The following IRGQ variants were observed in gnomAD, a reference collection of about 807,000 sequenced individuals.
The protein encoded by IRGQ is immunity-related GTPase family Q protein.
A neutral mutation model predicts 10.5 loss-of-function variants in IRGQ; 5 were observed. The ratio of observed to expected loss-of-function variants is 0.48; its 90% CI spans 0.25 to 1.00. The LOEUF (loss-of-function observed/expected upper bound fraction) is 1.00, where lower values mean the gene tolerates loss of function less well. Among genes scored for constraint, IRGQ ranks in the 50% least tolerant of loss-of-function variants. The probability of loss-of-function intolerance (pLI) is 0.16; values close to 1 mark genes in which losing one functional copy is unlikely to be tolerated. For synonymous variants in IRGQ, 418 were observed against 426.0 expected, an observed-to-expected ratio of 0.98 and a Z score of 0.23; for missense variants, 792 against 877.7, an observed-to-expected ratio of 0.90 and a Z score of 1.23.
rs893331716 is a variant in IRGQ, at chr19:43,585,856, G to A, written c.*6170C>T. 2 of 152,078 alleles carry A rather than the reference G, an allele frequency of 1.3e-5. No homozygotes were observed. The highest frequency in any genetic ancestry group is 2.4e-5 in the African/African-American group (1 of 41,414). The allele number at this position is 152,078 out of a possible 1,614,324, so 9.4% of individuals were successfully genotyped here. ...CCCACCATCCCTCCTATCCCCAGACGCTGGAGTCTAGGTTTCCAGCCCAGT... is the reference window on the plus strand; with the variant it reads ...CCCACCATCCCTCCTATCCCCAGACACTGGAGTCTAGGTTTCCAGCCCAGT... On this transcript the variant is annotated 3_prime_UTR_variant, in exon 3 of 3. Coordinates refer to ENST00000422989, the MANE Select transcript of IRGQ (RefSeq NM_001007561.3).
At position 43,592,182 on chromosome 19, in the gene IRGQ, T is replaced by C. The variant is rs1315983065; in HGVS notation, c.1716A>G (p.Ala572=). 1.2e-6 allele frequency: 2 copies of C among 1,603,040 alleles called. No individual in the cohort carries two copies. Among genetic ancestry groups the C allele is most frequent in the Non-Finnish European group, 1.7e-6 (2 of 1,178,562 alleles). ...ACAGGAAGGAGAGAGCCCCCAGTGC[T>C]GCGCCCCCAGCAGTGCCCTCGCCCG... is the stretch of plus-strand genomic sequence containing the variant. ...AWAGEGTAGG[A]ALGALSFLWP... Residue 572 remains alanine, a synonymous_variant, in exon 3 of 3, where the codon GCA becomes GCG. Coordinates refer to ENST00000422989, the MANE Select transcript of IRGQ (RefSeq NM_001007561.3).
In IRGQ at chr19:43,584,562, A is replaced by T. The variant is rs147496976; in HGVS notation, c.*7464T>A. ...GAAAGAGACCACATCACACACAGAG[A>T]GAACAAGTCTGTATTAGTTGCTTTT... On this transcript the variant is annotated 3_prime_UTR_variant, in exon 3 of 3. Transcript: ENST00000422989. 6.6e-6 allele frequency: 1 copy of T among 152,222 alleles called. No individual in the cohort carries two copies. The allele number at this position is 152,222 out of a possible 1,614,324, so 9.4% of individuals were successfully genotyped here.
rs1368740191 is a variant in IRGQ, at chr19:43,586,108, T to C, written c.*5918A>G. 6.6e-6 allele frequency: 1 copy of C among 152,162 alleles called. No individual in the cohort carries two copies. Among genetic ancestry groups the C allele is most frequent in the Non-Finnish European group, 1.5e-5 (1 of 68,022 alleles). The allele number at this position is 152,162 out of a possible 1,614,324, so 9.4% of individuals were successfully genotyped here. ...AGGTTGTCTCGCCCACTCACCCAAGTTTTCCATGCCTGTTCTGCTTTTGAT... is the reference window on the plus strand; with the variant it reads ...AGGTTGTCTCGCCCACTCACCCAAGCTTTCCATGCCTGTTCTGCTTTTGAT... On this transcript the variant is annotated 3_prime_UTR_variant, in exon 3 of 3. Coordinates refer to ENST00000422989, the MANE Select transcript of IRGQ (RefSeq NM_001007561.3).
At chr19:43,595,456 GAGTGTCACTCTCC>G (rs1224423408) in intron 1 of IRGQ, 116 bp from the exon 2 acceptor site, 6 of 950,362 alleles carry the variant, frequency 6.3e-6, no homozygotes, top group Non-Finnish European at 9.0e-6. Flanking sequence ...TTCGGTTCTT[GAGTGTCACTCTCC>G]AGGACCTAAA....
chr19:43,592,666 G>A lies in IRGQ; in HGVS notation c.1232C>T (p.Ala411Val). ...CTCGTCCTCCGGGCTTAACGCAGCG[G>A]CCCGCTCTGAGTCGCCACCACCTGA... ...KKSGGGDSER[A>V]AALSPEDETW... is the part of the protein sequence containing the mutation. Residue 411 changes from alanine (A) to valine (V), a missense_variant, in exon 3 of 3, where the codon GCC becomes GTC. Ala to Val is a moderately conservative substitution (Grantham distance 64, BLOSUM62 0). Transcript: ENST00000422989. 6.2e-7 allele frequency: 1 copy of A among 1,606,024 alleles called. No homozygotes were observed. The highest frequency in any genetic ancestry group is 1.3e-5 in the African/African-American group (1 of 75,028).
Position 43,589,678 on chromosome 19 carries a change from G to A in IRGQ, c.*2348C>T, listed in dbSNP as rs1973033590. On this transcript the variant is annotated 3_prime_UTR_variant, in exon 3 of 3. Transcript: ENST00000422989. ...AACAACAGAGAACAGGACAGGCAAC[G>A]GGTCAAAAGCCAATAAACAGGTAAA... 1 of 152,134 alleles carries A rather than the reference G, an allele frequency of 6.6e-6. No individual in the cohort carries two copies. Among genetic ancestry groups the A allele is most frequent in the Admixed American group, 6.6e-5 (1 of 15,266 alleles). The allele number at this position is 152,134 out of a possible 1,614,324, so 9.4% of individuals were successfully genotyped here.
At position 43,589,769 on chromosome 19, in the gene IRGQ, G is replaced by C. The variant is rs1274265000; in HGVS notation, c.*2257C>G. 3.3e-5 allele frequency: 5 copies of C among 152,116 alleles called. No individual in the cohort carries two copies. The highest frequency in any genetic ancestry group is 7.3e-5 in the Non-Finnish European group (5 of 68,036). 9.4% of individuals were successfully genotyped at this position (152,116 alleles called of 1,614,324 possible). On this transcript the variant is annotated 3_prime_UTR_variant, in exon 3 of 3. Transcript: ENST00000422989. The stretch of plus-strand genomic sequence containing the variant: ...AACTCAACTGGCCGAAATGAATAGT[G>C]GGGGAATGTGAGCTACTTCAGATAG...
chr19:43,590,668 G>A lies in IRGQ; in HGVS notation c.*1358C>T, dbSNP rs868743199. The A allele has an allele frequency of 6.6e-6, 1 of 152,306 alleles. No individual in the cohort carries two copies. Among genetic ancestry groups the A allele is most frequent in the Non-Finnish European group, 1.5e-5 (1 of 68,034 alleles). The allele number at this position is 152,306 out of a possible 1,614,324, so 9.4% of individuals were successfully genotyped here. A position where few individuals can be genotyped will look rare whatever the true frequency, so the allele number is the denominator to read the frequency against. ...GCAGTACAGCTGCTCTTCTGAAAAG[G>A]AAGGTGCACAAAACACCAAGGCCAT... On this transcript the variant is annotated 3_prime_UTR_variant, in exon 3 of 3. Transcript: ENST00000422989.
Position 43,590,628 on chromosome 19 carries a change from G to C in IRGQ, c.*1398C>G, listed in dbSNP as rs1367021490. 1 of 152,236 alleles carries C rather than the reference G, an allele frequency of 6.6e-6. No individual in the cohort carries two copies. The highest frequency in any genetic ancestry group is 2.4e-5 in the African/African-American group (1 of 41,446). 9.4% of individuals were successfully genotyped at this position (152,236 alleles called of 1,614,324 possible). ...ATACCCGAGGTGTCCATACAGAAGT[G>C]TTTGGACCAGTGCAGCAGTACAGCT... is the stretch of plus-strand genomic sequence containing the variant. On this transcript the variant is annotated 3_prime_UTR_variant, in exon 3 of 3. Transcript: ENST00000422989.
rs906690100 is a variant in IRGQ, at chr19:43,586,240, T to G, written c.*5786A>C. 2.6e-5 allele frequency: 4 copies of G among 152,168 alleles called. No individual in the cohort carries two copies. Among genetic ancestry groups the G allele is most frequent in the African/African-American group, 9.7e-5 (4 of 41,444 alleles). 9.4% of individuals were successfully genotyped at this position (152,168 alleles called of 1,614,324 possible). ...CTTCAGTGGCGGCCAGTGATCTGTC[T>G]ACAAGGGAGTCTTAGTCTTTTCTGC... is the stretch of plus-strand genomic sequence containing the variant. On this transcript the variant is annotated 3_prime_UTR_variant, in exon 3 of 3. Transcript: ENST00000422989.
Position 43,588,889 on chromosome 19 carries a change from G to A in IRGQ, c.*3137C>T, listed in dbSNP as rs1292992934. On this transcript the variant is annotated 3_prime_UTR_variant, in exon 3 of 3. Coordinates refer to ENST00000422989, the MANE Select transcript of IRGQ (RefSeq NM_001007561.3). ...TGAATATTCTTCCCCAAAGCTGAAAGAGCTTTCATGAAAATGCCTGGAGCC... is the reference window on the plus strand; with the variant it reads ...TGAATATTCTTCCCCAAAGCTGAAAAAGCTTTCATGAAAATGCCTGGAGCC... The A allele has an allele frequency of 6.6e-6, 1 of 152,204 alleles. No individual in the cohort carries two copies. The highest frequency in any genetic ancestry group is 2.4e-5 in the African/African-American group (1 of 41,438). The allele number at this position is 152,204 out of a possible 1,614,324, so 9.4% of individuals were successfully genotyped here. A position where few individuals can be genotyped will look rare whatever the true frequency, so the allele number is the denominator to read the frequency against.
chr19:43,595,734 C>T (rs1481546677), intron 1 of IRGQ, among the ~76,000 whole-genome samples: 2 of 151,992 alleles, frequency 1.3e-5, no homozygotes, highest in Non-Finnish European at 2.9e-5. Flanking sequence ...AAAATTTAGC[C>T]GGGCATGGTG....
chr19:43,594,948 T>C lies in IRGQ; in HGVS notation c.391A>G (p.Thr131Ala). The stretch of plus-strand genomic sequence containing the variant: ...CCCGCGCTGTTCAGCAGAGCTGCTG[T>C]CTGATCACGGGCCTGGGCGGCAGTC... ...SQTAAQARDQTAALLNSAGLG... is the reference protein window; with the variant it reads ...SQTAAQARDQAAALLNSAGLG... The change falls in exon 2 of 3, where the codon ACA becomes GCA. Residue 131 changes from threonine to alanine, a missense_variant. Coordinates refer to ENST00000422989, the MANE Select transcript of IRGQ (RefSeq NM_001007561.3). The C allele has an allele frequency of 1.9e-6, 3 of 1,614,024 alleles. No individual in the cohort carries two copies. Among genetic ancestry groups the C allele is most frequent in the Non-Finnish European group, 2.5e-6 (3 of 1,179,948 alleles).
intron 1 of IRGQ, 43 bp from the exon 2 acceptor site, chr19:43,595,383 T>G: frequency 6.7e-7 from 1 of 1,496,886 alleles, no homozygotes; most frequent in South Asian, 1.3e-5. Flanking sequence ...AGGGAGCACC[T>G]AGCCTTTTCC....
At position 43,590,094 on chromosome 19, in the gene IRGQ, T is replaced by TA. The variant is rs1294840556; in HGVS notation, c.*1931dup. 6.6e-6 allele frequency: 1 copy of TA among 152,152 alleles called. No individual in the cohort carries two copies. The allele number at this position is 152,152 out of a possible 1,614,324, so 9.4% of individuals were successfully genotyped here. On this transcript the variant is annotated 3_prime_UTR_variant, in exon 3 of 3. Coordinates refer to ENST00000422989, the MANE Select transcript of IRGQ (RefSeq NM_001007561.3). ...GACCAACAGGGTGAAATCCCTTCTC[T>TA]ACTAAACTACAAAAATTAGCCAGGT...
rs568757302 is a variant in IRGQ at position 43,595,381 on chromosome 19, C to G, written c.-2-41G>C. ...TAGAGAAGACCTGGGTCAGGGAGCA[C>G]CTAGCCTTTTCCTTTCCTAGCCGCC... On this transcript the variant is annotated intron_variant, in intron 1 of 2. Coordinates refer to ENST00000422989, the MANE Select transcript of IRGQ (RefSeq NM_001007561.3). 48 of 1,499,608 alleles carry G rather than the reference C, an allele frequency of 3.2e-5. No homozygotes were observed. The African/African-American group carries it at 6.3e-4, about 20-fold the overall frequency. 92.9% of individuals were successfully genotyped at this position (1,499,608 alleles called of 1,614,324 possible). A position where few individuals can be genotyped will look rare whatever the true frequency, so the allele number is the denominator to read the frequency against.
At chr19:43,594,252 T>A (rs147043902) in intron 2 of IRGQ, among the ~76,000 whole-genome samples, 1 of 152,208 alleles carries the variant, frequency 6.6e-6, no homozygotes, top group African/African-American at 2.4e-5. Flanking sequence ...GTGGATCACC[T>A]TGGTGGGGGC....
chr19:43,591,988 C>A lies in IRGQ; in HGVS notation c.*38G>T. ...CACCCAGGATTAAGCCCAGGCATCCCCTGTCAGAGTCTGGACTCCCAAGCC... is the reference window on the plus strand; with the variant it reads ...CACCCAGGATTAAGCCCAGGCATCCACTGTCAGAGTCTGGACTCCCAAGCC... On this transcript the variant is annotated 3_prime_UTR_variant, in exon 3 of 3. Transcript: ENST00000422989. 6.5e-7 allele frequency: 1 copy of A among 1,539,532 alleles called. No individual in the cohort carries two copies. Among genetic ancestry groups the A allele is most frequent in the South Asian group, 1.2e-5 (1 of 80,912 alleles).
intron 2 of IRGQ, among the ~76,000 whole-genome samples, chr19:43,594,265 G>A (rs1413936357): frequency 6.6e-6 from 1 of 152,028 alleles, no homozygotes; most frequent in Non-Finnish European, 1.5e-5. Flanking sequence ...GTGGGGGCAG[G>A]GCCTGGAAAA....
Sources: gnomAD v4.1 joint callset for allele counts (sites outside exome capture counted in the v4.1 genomes callset) on GRCh38, gnomAD v4.1.1 for gene constraint, MANE v1.5 for transcripts, NCBI Gene and HGNC (gene_info 2026-07-23, HGNC 2026-07-21) for gene names.